IRAG1: variants seen among roughly 807,000 people sequenced by gnomAD.
The protein encoded by IRAG1 is inositol 1,4,5-triphosphate receptor associated 1, also known as IP3R-associated cGMP kinase substrate.
A neutral mutation model predicts 106.2 loss-of-function variants in IRAG1; 62 were observed. The observed-to-expected ratio is 0.58, with a 90% CI of 0.48 to 0.72. The LOEUF is 0.72. IRAG1 is among the 30% of genes least tolerant of loss of function. IRAG1 has a pLI of 0.00. For missense variants in IRAG1, 1,064 were observed against 1,140.7 expected (o/e 0.93, Z 0.97); for synonymous variants, 462 against 443.9 (o/e 1.04, Z -0.51).
At chr11:10,677,184 C>G (rs934303701) in intron 1 of IRAG1, among the ~76,000 whole-genome samples, 1 of 152,192 alleles carries the variant, frequency 6.6e-6, no homozygotes, top group Non-Finnish European at 1.5e-5. Flanking sequence ...GCTCCCTCCA[C>G]TCTCCCAACC....
At chr11:10,635,304 C>T (rs1857068899) in intron 2 of IRAG1, among the ~76,000 whole-genome samples, 1 of 152,248 alleles carries the variant, frequency 6.6e-6, no homozygotes, top group Non-Finnish European at 1.5e-5. Context: ...GCATGTGCTG[C>T]CACTGCTCCC....
rs1455388680 is a variant in IRAG1 at position 10,647,647 on chromosome 11, G to T, written c.225+4378C>A. ...AACATGAGCCTCTTTGTACCCTCAG[G>T]TTTACAAGGCACTTCAGAGGATGCT... On this transcript the variant is annotated intron_variant, in intron 2 of 20. Coordinates refer to ENST00000423302, the MANE Select transcript of IRAG1 (RefSeq NM_130385.4). The surrounding 1 kb of genome is among the most constrained non-coding windows in gnomAD (Gnocchi z 4.3). 6.6e-6 allele frequency among the ~76,000 whole-genome samples: 1 copy of T among 152,160 alleles called. No homozygotes were observed. The highest frequency in any genetic ancestry group is 1.5e-5 in the Non-Finnish European group (1 of 68,036).
intron 11 of IRAG1, among the ~76,000 whole-genome samples, chr11:10,608,689 T>G (rs1183508907): frequency 6.6e-6 from 1 of 152,144 alleles, no homozygotes; most frequent in African/African-American, 2.4e-5. Flanking sequence ...GAAAAATTGG[T>G]TATTTATCTT....
chr11:10,577,262 C>T (rs1850918469), intron 20 of IRAG1, among the ~76,000 whole-genome samples: 1 of 152,156 alleles, frequency 6.6e-6, no homozygotes, highest in South Asian at 2.1e-4. Context: ...TCTCTAATTT[C>T]TCCCTCTTCC....
intron 1 of IRAG1, among the ~76,000 whole-genome samples, chr11:10,663,220 T>C (rs1859531185): frequency 6.6e-6 from 1 of 151,938 alleles, no homozygotes; most frequent in African/African-American, 2.4e-5. Flanking sequence ...CACAGCCCAA[T>C]AAATAAATAA....
chr11:10,638,720 G>A (rs1589892531), intron 2 of IRAG1, among the ~76,000 whole-genome samples: 1 of 152,220 alleles, frequency 6.6e-6, no homozygotes, highest in East Asian at 1.9e-4. Context: ...CCCTTGTGGT[G>A]GGGCTTTACA....
chr11:10,679,861 C>G (rs878935616), intron 1 of IRAG1, among the ~76,000 whole-genome samples: 1 of 152,140 alleles, frequency 6.6e-6, no homozygotes, highest in Admixed American at 6.5e-5. Context: ...CATCTCAGAG[C>G]CTTTAAAAGT....
intron 10 of IRAG1, among the ~76,000 whole-genome samples, chr11:10,610,795 A>C (rs748140363): frequency 1.3e-5 from 2 of 152,254 alleles, no homozygotes; most frequent in Non-Finnish European, 2.9e-5. Context: ...TACACTTAGC[A>C]TTAAGCAAAA....
chr11:10,601,326 G>A (rs1306791495), intron 14 of IRAG1, among the ~76,000 whole-genome samples: 1 of 151,980 alleles, frequency 6.6e-6, no homozygotes, highest in Non-Finnish European at 1.5e-5. Context: ...ACGGGTCAGG[G>A]GAGGCTTCAT....
Position 10,628,755 on chromosome 11 carries a change from C to G in IRAG1, c.648G>C (p.Pro216=). 6.5e-7 allele frequency: 1 copy of G among 1,534,494 alleles called. No individual in the cohort carries two copies. The part of the protein sequence containing the change: ...SRSNSLTVPT[P]PGLDVCSGPP... ...CCCCGGGCAGCTGGGCCTCACCTGG[C>G]GGGGTGGGGACTGTAAGTGAGTTGC... is the stretch of plus-strand genomic sequence containing the variant. The change falls in exon 6 of 21, where the codon CCG becomes CCC. Residue 216 remains proline, a synonymous_variant. Coordinates refer to ENST00000423302, the MANE Select transcript of IRAG1 (RefSeq NM_130385.4). This position sits in a 1 kb window ranked among gnomAD's most constrained non-coding sequence, Gnocchi z 4.1.
At chr11:10,690,005 T>C (rs760323511) in intron 1 of IRAG1, among the ~76,000 whole-genome samples, 13 of 152,192 alleles carry the variant, frequency 8.5e-5, no homozygotes, top group Admixed American at 7.2e-4. Flanking sequence ...AAATTACAAA[T>C]TACAAATAAA....
At chr11:10,651,476 T>C (rs975582174) in intron 2 of IRAG1, among the ~76,000 whole-genome samples, 3 of 152,268 alleles carry the variant, frequency 2.0e-5, no homozygotes, top group African/African-American at 7.2e-5. Context: ...ACATAACCTA[T>C]ATTTTGTAAT....
intron 14 of IRAG1, among the ~76,000 whole-genome samples, chr11:10,602,676 T>C (rs1854134012): frequency 6.6e-6 from 1 of 152,174 alleles, no homozygotes; most frequent in African/African-American, 2.4e-5. Context: ...ACAAAGCAGG[T>C]TTTCCTAAAG....
rs1862236676 is a variant in IRAG1 at position 10,693,698 on chromosome 11, C to A, written c.-96G>T. 3 of 1,411,772 alleles carry A rather than the reference C, an allele frequency of 2.1e-6. No homozygotes were observed. The highest frequency in any genetic ancestry group is 1.4e-5 in the African/African-American group (1 of 70,220). 87.5% of individuals were successfully genotyped at this position (1,411,772 alleles called of 1,614,324 possible). A position where few individuals can be genotyped will look rare whatever the true frequency, so the allele number is the denominator to read the frequency against. ...ACGCCTCCTCTGAGAGGGGCTGGGA[C>A]TTAGAGCCGAGAGCTCCTCTGGGAG... On this transcript the variant is annotated 5_prime_UTR_variant, in exon 1 of 21. Coordinates refer to ENST00000423302, the MANE Select transcript of IRAG1 (RefSeq NM_130385.4).
chr11:10,618,818 A>G (rs1855623169), intron 10 of IRAG1, among the ~76,000 whole-genome samples: 1 of 152,208 alleles, frequency 6.6e-6, no homozygotes, highest in South Asian at 2.1e-4. Context: ...GGGGTTAACT[A>G]TTCAGGGCCT....
chr11:10,680,399 AGGAAGGAAAGAAAG>A (rs1203805496), intron 1 of IRAG1, among the ~76,000 whole-genome samples: 8 of 127,446 alleles, frequency 6.3e-5, no homozygotes, highest in African/African-American at 9.8e-5. Context: ...GAAGGAAGGA[AGGAAGGAAAGAAAG>A]GGAAAGAAAG....
intron 11 of IRAG1, among the ~76,000 whole-genome samples, chr11:10,609,445 T>C (rs1321390283): frequency 6.6e-6 from 1 of 152,206 alleles, no homozygotes; most frequent in Non-Finnish European, 1.5e-5. Context: ...AACCCATGTC[T>C]CCTGGCTCAA....
intron 1 of IRAG1, among the ~76,000 whole-genome samples, chr11:10,684,048 A>G (rs1427045936): frequency 6.6e-6 from 1 of 152,180 alleles, no homozygotes; most frequent in Non-Finnish European, 1.5e-5. Context: ...CATGCTAAAA[A>G]AATTTTCTCT....
intron 18 of IRAG1, among the ~76,000 whole-genome samples, chr11:10,586,462 G>C (rs1012166610): frequency 5.4e-5 from 8 of 148,376 alleles, no homozygotes; most frequent in Non-Finnish European, 8.9e-5. Flanking sequence ...CTGTCACTCA[G>C]GCTGGAGTGC....
Sources: allele counts gnomAD v4.1 joint callset (sites outside exome capture counted in the v4.1 genomes callset), GRCh38; gene constraint gnomAD v4.1.1; non-coding constraint Gnocchi (gnomAD v3.1); transcripts MANE v1.5; gene names NCBI Gene and HGNC (gene_info 2026-07-23, HGNC 2026-07-21).